RPGRIP1: variants seen among roughly 807,000 people sequenced by gnomAD.
RPGRIP1 encodes the protein RPGR interacting protein 1.
In RPGRIP1, 128 loss-of-function variants were observed where a neutral mutation model predicts 157.9. The observed-to-expected ratio is 0.81, with a 90% CI of 0.70 to 0.94. The LOEUF is 0.94. Among genes scored for constraint, RPGRIP1 ranks in the 40% least tolerant of loss-of-function variants. RPGRIP1 has a pLI of 0.00. For synonymous variants in RPGRIP1, 554 were observed against 571.6 expected, an observed-to-expected ratio of 0.97 and a Z score of 0.44; for missense variants, 1,486 against 1,545.8, an observed-to-expected ratio of 0.96 and a Z score of 0.65.
chr14:21,301,165 C>T lies in RPGRIP1; in HGVS notation c.418C>T (p.Gln140Ter), dbSNP rs1881011108. Residue 140 changes from glutamine (Q) to a stop codon, truncating the protein, a stop_gained, in exon 4 of 25, where the codon CAG becomes TAG. Transcript: ENST00000400017. LOFTEE classifies it high-confidence loss of function. The stretch of plus-strand genomic sequence containing the variant: ...CGGCCCTGCCAGCCCCCGCCGCGCC[C>T]AGCCTCGCGTCCAAGTGGGACACAG... ...CVGPASPRRA[Q>*]PRVQVGHRQL... The T allele has an allele frequency of 6.3e-7, 1 of 1,594,604 alleles. No individual in the cohort carries two copies. The highest frequency in any genetic ancestry group is 8.5e-7 in the Non-Finnish European group (1 of 1,171,100).
Position 21,325,833 on chromosome 14 carries a change from C to T in RPGRIP1, c.2370C>T (p.Phe790=). 6.2e-7 allele frequency: 1 copy of T among 1,609,734 alleles called. No homozygotes were observed. The highest frequency in any genetic ancestry group is 8.5e-7 in the Non-Finnish European group (1 of 1,176,930). ...LGGRKAQEEE[F]RSESWEPQNE... is the part of the protein sequence containing the mutation. ...ATCCATGACCAACATCTTTCCAGTT[C>T]AGATCGGAGTCTTGGGAACCTCAGA... is the stretch of plus-strand genomic sequence containing the variant. Residue 790 remains phenylalanine (F), a splice_region_variant and synonymous_variant, in exon 17 of 25, where the codon TTC becomes TTT. Coordinates refer to ENST00000400017, the MANE Select transcript of RPGRIP1 (RefSeq NM_020366.4).
Position 21,312,441 on chromosome 14 carries a change from G to A in RPGRIP1, c.1086G>A (p.Glu362=), listed in dbSNP as rs1235575433. 1 of 1,606,294 alleles carries A rather than the reference G, an allele frequency of 6.2e-7. No homozygotes were observed. The highest frequency in any genetic ancestry group is 8.5e-7 in the Non-Finnish European group (1 of 1,174,256). ...ILQMTLKEFQ[E]RVEDLEKERK... is the part of the protein sequence containing the mutation. ...GCTACTATCACTCTTAGTTTCAGGA[G>A]AGAGTTGAAGATTTGGAAAAAGAAC... Residue 362 remains glutamate (E), a synonymous_variant, in exon 10 of 25, where the codon GAG becomes GAA. Coordinates refer to ENST00000400017, the MANE Select transcript of RPGRIP1 (RefSeq NM_020366.4).
At chr14:21,333,798 C>T (rs2139283435) in intron 20 of RPGRIP1, among the ~76,000 whole-genome samples, 1 of 152,186 alleles carries the variant, frequency 6.6e-6, no homozygotes, top group East Asian at 1.9e-4. Flanking sequence ...TCAGTTGAGA[C>T]AGTCCAAAAG....
Position 21,299,532 on chromosome 14 carries a change from C to T in RPGRIP1, c.219-1434C>T, listed in dbSNP as rs117734624. ...GTATAATGATATGTAATAATAATAGCTCACACCTGAAGCCCTTACAGTGTA... is the reference window on the plus strand; with the variant it reads ...GTATAATGATATGTAATAATAATAGTTCACACCTGAAGCCCTTACAGTGTA... On this transcript the variant is annotated intron_variant, in intron 3 of 24. Transcript: ENST00000400017. Among the ~76,000 whole-genome samples, 81 of 152,222 alleles carry T rather than the reference C, an allele frequency of 5.3e-4. 1 individual carries two copies. The East Asian group carries it at 0.014, about 27-fold the overall frequency.
At chr14:21,325,528 C>T in intron 16 of RPGRIP1, 145 bp downstream of exon 16, 1 of 856,954 alleles carries the variant, frequency 1.2e-6, no homozygotes, top group Non-Finnish European at 1.8e-6. Context: ...CTGGATTATT[C>T]CCTTGGTCAG....
chr14:21,288,180 C>CTTTT (rs35862339), intron 2 of RPGRIP1, 119 bp downstream of exon 2: 47 of 490,678 alleles, frequency 9.6e-5, no homozygotes, highest in South Asian at 1.7e-4. Context: ...AGTCTTCTCA[C>CTTTT]TTTTTTTTTT....
Position 21,351,197 on chromosome 14 carries a change from C to T in RPGRIP1, c.3842C>T (p.Thr1281Ile), listed in dbSNP as rs1385915494. The T allele has an allele frequency of 6.2e-7, 1 of 1,606,360 alleles. No homozygotes were observed. ...AVLHAIYKEM[T>I]EDLFS ...CTCCATGCTATTTACAAGGAGATGACTGAAGATTTGTTTTCATGAAGGAAC... is the reference window on the plus strand; with the variant it reads ...CTCCATGCTATTTACAAGGAGATGATTGAAGATTTGTTTTCATGAAGGAAC... The change falls in exon 25 of 25, where the codon ACT (threonine) becomes ATT (isoleucine). Residue 1281 changes from threonine (T) to isoleucine (I), a missense_variant. Physicochemically the swap from Thr to Ile is moderately conservative, Grantham distance 89. Transcript: ENST00000400017.
Position 21,328,628 on chromosome 14 carries a change from G to C in RPGRIP1, c.3099+1G>C. The C allele has an allele frequency of 6.2e-7, 1 of 1,601,982 alleles. No individual in the cohort carries two copies. The highest frequency in any genetic ancestry group is 1.7e-5 in the Admixed American group (1 of 59,894). On this transcript the variant is annotated splice_donor_variant, in intron 19 of 24. Coordinates refer to ENST00000400017, the MANE Select transcript of RPGRIP1 (RefSeq NM_020366.4). LOFTEE classifies it high-confidence loss of function. ...CATCTTAAATGGAAATACACCAGAG[G>C]TAAGACCTTAAAAACTCTGAAGCAC...
At chr14:21,298,502 A>G (rs1880889218) in intron 3 of RPGRIP1, among the ~76,000 whole-genome samples, 1 of 152,122 alleles carries the variant, frequency 6.6e-6, no homozygotes. Context: ...TCGGTCTCAA[A>G]ACGAAAACAA....
chr14:21,313,350 A>G (rs1250734864), intron 10 of RPGRIP1, among the ~76,000 whole-genome samples: 5 of 152,130 alleles, frequency 3.3e-5, no homozygotes, highest in Admixed American at 6.6e-5. Flanking sequence ...AAAAAGAAAA[A>G]AAAAAAAAAG....
chr14:21,319,763 T>C (rs1168981945), intron 11 of RPGRIP1, among the ~76,000 whole-genome samples: 2 of 152,196 alleles, frequency 1.3e-5, no homozygotes, highest in African/African-American at 2.4e-5. Flanking sequence ...TTCTGTTTTG[T>C]GTTGTTATTG....
rs1421915650 is a variant in RPGRIP1 at position 21,303,415 on chromosome 14, C to T, written c.672C>T (p.Ala224=). Residue 224 remains alanine, a synonymous_variant, in exon 6 of 25, where the codon GCC becomes GCT. Coordinates refer to ENST00000400017, the MANE Select transcript of RPGRIP1 (RefSeq NM_020366.4). ...KPIGLCMPNS[A]HIMASNTMQV... ...TTGGTCTATGCATGCCTAACAGTGC[C>T]CACATCATGGCCAGCAATACCATGC... 6.2e-7 allele frequency: 1 copy of T among 1,613,694 alleles called. No individual in the cohort carries two copies. Among genetic ancestry groups the T allele is most frequent in the South Asian group, 1.1e-5 (1 of 91,080 alleles).
chr14:21,318,853 T>C (rs2139194456), intron 11 of RPGRIP1, among the ~76,000 whole-genome samples: 1 of 152,240 alleles, frequency 6.6e-6, no homozygotes, highest in South Asian at 2.1e-4. Context: ...TTTTTTTTTT[T>C]TGCCATCCAA....
chr14:21,288,122 A>G, intron 2 of RPGRIP1, 61 bp downstream of exon 2: 2 of 1,057,238 alleles, frequency 1.9e-6, no homozygotes, highest in Non-Finnish European at 3.0e-6. Context: ...ACTGTGGAAC[A>G]TCTTGCTGGC....
In RPGRIP1 at chr14:21,343,884, T is replaced by G. The variant is rs1391190857; in HGVS notation, c.3532+656T>G. 5.2e-3 allele frequency among the ~76,000 whole-genome samples: 368 copies of G among 71,448 alleles called. 10 individuals carry two copies. Among genetic ancestry groups the G allele is most frequent in the African/African-American group, 0.016 (332 of 21,068 alleles). The allele number at this position is 71,448 out of a possible 152,430, so 46.9% of individuals were successfully genotyped here. ...TTTTCCTGTTTTTTTTTTTTTTTTTTTTTTTTTTTTTTTTTTTTTTTTTGA... is the reference window on the plus strand; with the variant it reads ...TTTTCCTGTTTTTTTTTTTTTTTTTGTTTTTTTTTTTTTTTTTTTTTTTGA... On this transcript the variant is annotated intron_variant, in intron 22 of 24. Coordinates refer to ENST00000400017, the MANE Select transcript of RPGRIP1 (RefSeq NM_020366.4).
chr14:21,313,587 A>G (rs1388370690), intron 10 of RPGRIP1, among the ~76,000 whole-genome samples: 1 of 152,058 alleles, frequency 6.6e-6, no homozygotes, highest in East Asian at 1.9e-4. Context: ...CAGGAGTTAG[A>G]GACCAGCCTG....
chr14:21,297,262 T>G (rs1012220663), intron 3 of RPGRIP1, among the ~76,000 whole-genome samples: 23 of 151,954 alleles, frequency 1.5e-4, no homozygotes, highest in African/African-American at 5.6e-4. Flanking sequence ...GCCTGACTAA[T>G]TTTTGTATTT....
At chr14:21,316,361 C>T (rs1023091833) in intron 10 of RPGRIP1, among the ~76,000 whole-genome samples, 1 of 152,090 alleles carries the variant, frequency 6.6e-6, no homozygotes, top group Non-Finnish European at 1.5e-5. Flanking sequence ...ATCTGCCCAC[C>T]TTGACCTCCC....
chr14:21,345,628 C>T (rs1885487182), intron 23 of RPGRIP1, among the ~76,000 whole-genome samples: 2 of 152,034 alleles, frequency 1.3e-5, no homozygotes, highest in Non-Finnish European at 2.9e-5. Flanking sequence ...TGGTCTTGAA[C>T]TCCTGCGCTC....
Sources: allele counts gnomAD v4.1 joint callset (sites outside exome capture counted in the v4.1 genomes callset), GRCh38; gene constraint gnomAD v4.1.1; transcripts MANE v1.5; gene names NCBI Gene and HGNC (gene_info 2026-07-23, HGNC 2026-07-21).